ZNF367: variants seen among roughly 807,000 people sequenced by gnomAD.
ZNF367 encodes the protein C2H2 zinc finger protein ZFF29.
In ZNF367, 11 loss-of-function variants were observed where a neutral mutation model predicts 31.8. That is an observed-to-expected ratio of 0.35 (90% CI 0.22 to 0.57). The LOEUF (loss-of-function observed/expected upper bound fraction) is 0.57. ZNF367 is among the 20% of genes least tolerant of loss of function. The pLI is 0.85. For missense variants in ZNF367, 353 were observed against 484.1 expected, an observed-to-expected ratio of 0.73 and a Z score of 2.54; for synonymous variants, 199 against 202.4, an observed-to-expected ratio of 0.98 and a Z score of 0.14.
intron 3 of ZNF367, among the ~76,000 whole-genome samples, chr9:96,392,744 ATG>A (rs1188886361): frequency 1.3e-5 from 2 of 152,372 alleles, no homozygotes; most frequent in African/African-American, 4.8e-5. Flanking sequence ...GGTCGTGGCC[ATG>A]TGTGTCCAAC....
At position 96,392,377 on chromosome 9, in the gene ZNF367, A is replaced by G. The variant is rs746779999; in HGVS notation, c.830+21T>C. ...CCCGCGCTGTGCATCTTCACGGTGGACTAAAGGCAGCATTCCTGACCTCGC... is the reference window on the plus strand; with the variant it reads ...CCCGCGCTGTGCATCTTCACGGTGGGCTAAAGGCAGCATTCCTGACCTCGC... On this transcript the variant is annotated intron_variant, in intron 4 of 4. Coordinates refer to ENST00000375256, the MANE Select transcript of ZNF367 (RefSeq NM_153695.4). 7 of 1,614,130 alleles carry G rather than the reference A, an allele frequency of 4.3e-6. No homozygotes were observed. The South Asian group carries it at 4.4e-5, about 10-fold the overall frequency.
intron 1 of ZNF367, among the ~76,000 whole-genome samples, chr9:96,401,885 G>A (rs1831608826): frequency 6.6e-6 from 1 of 151,818 alleles, no homozygotes; most frequent in Non-Finnish European, 1.5e-5. Flanking sequence ...TATAGTCCCA[G>A]CTACTCAGGA....
rs1348739486 is a variant in ZNF367, at chr9:96,393,082, G to A, written c.692-546C>T. On this transcript the variant is annotated intron_variant, in intron 3 of 4. Transcript: ENST00000375256. ...CCTGGCGACAGAGCCAGACTCCATC[G>A]CAGGGGTCGGGTGGAGTTCAAAACC... is the stretch of plus-strand genomic sequence containing the variant. 1.1e-4 allele frequency among the ~76,000 whole-genome samples: 16 copies of A among 152,062 alleles called. No homozygotes were observed. The East Asian group carries it at 2.7e-3, about 26-fold the overall frequency.
chr9:96,415,859 GT>G (rs1831820556), intron 1 of ZNF367, among the ~76,000 whole-genome samples: 2 of 151,972 alleles, frequency 1.3e-5, no homozygotes, highest in Non-Finnish European at 2.9e-5. Flanking sequence ...CTGAAGTGCA[GT>G]GGTGCTATCA....
In ZNF367 at chr9:96,389,232, G is replaced by A. The variant is rs1269894981; in HGVS notation, c.831-773C>T. ...GGAGAATGACTTGAACCTGGGAGGC[G>A]GAGGTTGCAGCAAGCTGAAGTCGGG... is the stretch of plus-strand genomic sequence containing the variant. On this transcript the variant is annotated intron_variant, in intron 4 of 4. Coordinates refer to ENST00000375256, the MANE Select transcript of ZNF367 (RefSeq NM_153695.4). Among the ~76,000 whole-genome samples, 6 of 151,746 alleles carry A rather than the reference G, an allele frequency of 4.0e-5. No individual in the cohort carries two copies. In the East Asian group the frequency reaches 9.7e-4, roughly 24 times the overall value.
chr9:96,414,236 G>T (rs886117126), intron 1 of ZNF367, among the ~76,000 whole-genome samples: 4 of 151,986 alleles, frequency 2.6e-5, no homozygotes, highest in African/African-American at 9.7e-5. Flanking sequence ...TCTTACGGTG[G>T]GAAAGCTAAA....
rs745899583 is a variant in ZNF367 at position 96,392,442 on chromosome 9, T to C, written c.786A>G (p.Lys262=). Residue 262 remains lysine (K), a synonymous_variant, in exon 4 of 5, where the codon AAA becomes AAG. Coordinates refer to ENST00000375256, the MANE Select transcript of ZNF367 (RefSeq NM_153695.4). The part of the protein sequence containing the change: ...KREEPTDTLS[K]HQAADNKAAA... ...CGGCCTTGTTGTCGGCAGCCTGATG[T>C]TTGCTGAGTGTGTCCGTGGGCTCCT... 6.2e-7 allele frequency: 1 copy of C among 1,614,168 alleles called. No homozygotes were observed. The highest frequency in any genetic ancestry group is 8.5e-7 in the Non-Finnish European group (1 of 1,180,016).
chr9:96,412,086 A>G (rs1831757987), intron 1 of ZNF367, among the ~76,000 whole-genome samples: 1 of 152,206 alleles, frequency 6.6e-6, no homozygotes, highest in Non-Finnish European at 1.5e-5. Context: ...TCTTTTAACA[A>G]TACATATTAA....
intron 4 of ZNF367, among the ~76,000 whole-genome samples, chr9:96,390,600 G>A (rs1204745995): frequency 1.3e-5 from 2 of 152,114 alleles, no homozygotes; most frequent in East Asian, 1.9e-4. Flanking sequence ...GAAAGACAAG[G>A]AGGCGAGGTG....
chr9:96,392,126 T>G (rs1411398753), intron 4 of ZNF367, among the ~76,000 whole-genome samples: 1 of 151,388 alleles, frequency 6.6e-6, no homozygotes, highest in Non-Finnish European at 1.5e-5. Flanking sequence ...ACAATACATA[T>G]AAAACATTTT....
At chr9:96,410,338 G>A (rs1468166760) in intron 1 of ZNF367, among the ~76,000 whole-genome samples, 1 of 151,626 alleles carries the variant, frequency 6.6e-6, no homozygotes, top group Admixed American at 6.6e-5. Flanking sequence ...GAGGCGGGTG[G>A]ATCACGCGGT....
At chr9:96,404,240 C>T (rs1831642922) in intron 1 of ZNF367, among the ~76,000 whole-genome samples, 1 of 148,854 alleles carries the variant, frequency 6.7e-6, no homozygotes, top group Admixed American at 6.7e-5. Flanking sequence ...GCGGGCGGAT[C>T]ACGAGGTCAG....
chr9:96,401,017 G>C lies in ZNF367; in HGVS notation c.421-2703C>G, dbSNP rs560947220. Among the ~76,000 whole-genome samples, 35 of 152,074 alleles carry C rather than the reference G, an allele frequency of 2.3e-4. No individual in the cohort carries two copies. In the South Asian group the frequency reaches 4.6e-3, roughly 20 times the overall value. Reference sequence around the variant, plus strand: ...AAGGCAGGAGGATCACTTGAATCCAGGAGTTTGAGACCAGCCTGGGAAACG... The same window carrying C: ...AAGGCAGGAGGATCACTTGAATCCACGAGTTTGAGACCAGCCTGGGAAACG... On this transcript the variant is annotated intron_variant, in intron 1 of 4. Coordinates refer to ENST00000375256, the MANE Select transcript of ZNF367 (RefSeq NM_153695.4).
At chr9:96,391,126 T>C (rs1831467711) in intron 4 of ZNF367, among the ~76,000 whole-genome samples, 1 of 152,208 alleles carries the variant, frequency 6.6e-6, no homozygotes, top group African/African-American at 2.4e-5. Flanking sequence ...ATAATTCTTA[T>C]GTATTTTTAT....
In ZNF367 at chr9:96,417,702, C is replaced by T; in HGVS notation, c.331G>A (p.Ala111Thr). 8.5e-7 allele frequency: 1 copy of T among 1,181,326 alleles called. No individual in the cohort carries two copies. The allele number at this position is 1,181,326 out of a possible 1,614,324, so 73.2% of individuals were successfully genotyped here. ...GAGGCCGAGGCGGCGGGCGGGGGCGCGCCCCGGCCACGAAGCCCCGAGTGC... is the reference window on the plus strand; with the variant it reads ...GAGGCCGAGGCGGCGGGCGGGGGCGTGCCCCGGCCACGAAGCCCCGAGTGC... ...AEHSGLRGRG[A>T]PPPAASASAA... Residue 111 changes from alanine to threonine, a missense_variant, in exon 1 of 5, where the codon GCG becomes ACG. This residue lies in a region of ZNF367 where 70 missense variants were observed against 57.1 expected (regional missense o/e 1.23). Transcript: ENST00000375256. This position sits in a 1 kb window ranked among gnomAD's most constrained non-coding sequence, Gnocchi z 5.0.
intron 1 of ZNF367, among the ~76,000 whole-genome samples, chr9:96,399,246 A>G (rs1483886717): frequency 1.3e-5 from 2 of 152,140 alleles, no homozygotes; most frequent in African/African-American, 4.8e-5. Context: ...AGTTGTAAAC[A>G]GCAGGGCTAA....
rs528486684 is a variant in ZNF367, at chr9:96,407,229, T to C, written c.421-8915A>G. ...CTTGTGGGTCTTTGAGACCCGAAAA[T>C]TGAGAGCATTTTCGCACCCCAGGGG... On this transcript the variant is annotated intron_variant, in intron 1 of 4. Transcript: ENST00000375256. 6.8e-4 allele frequency: 612 copies of C among 895,250 alleles called. 7 individuals are homozygous for C. In the South Asian group the frequency reaches 8.5e-3, roughly 12 times the overall value. 55.5% of individuals were successfully genotyped at this position (895,250 alleles called of 1,614,324 possible).
At position 96,392,430 on chromosome 9, in the gene ZNF367, G is replaced by A. The variant is rs140653961; in HGVS notation, c.798C>T (p.Ala266=). The A allele has an allele frequency of 1.4e-5, 22 of 1,614,060 alleles. No homozygotes were observed. The highest frequency in any genetic ancestry group is 8.9e-5 in the East Asian group (4 of 44,896). Reference sequence around the variant, plus strand: ...GCCACTCGGCCGCGGCCTTGTTGTCGGCAGCCTGATGTTTGCTGAGTGTGT... The same window carrying A: ...GCCACTCGGCCGCGGCCTTGTTGTCAGCAGCCTGATGTTTGCTGAGTGTGT... ...PTDTLSKHQA[A]DNKAAAEWLA... The change falls in exon 4 of 5, where the codon GCC becomes GCT. Residue 266 remains alanine (A), a synonymous_variant. Transcript: ENST00000375256.
intron 2 of ZNF367, among the ~76,000 whole-genome samples, chr9:96,395,948 T>C (rs1395769005): frequency 7.2e-5 from 11 of 152,220 alleles, no homozygotes; most frequent in Non-Finnish European, 1.3e-4. Flanking sequence ...ACTCAAAGAA[T>C]AACAAGTCCT....
Sources: allele counts gnomAD v4.1 joint callset (sites outside exome capture counted in the v4.1 genomes callset), GRCh38; gene constraint gnomAD v4.1.1; regional missense constraint gnomAD v4.1.1; non-coding constraint Gnocchi (gnomAD v3.1); transcripts MANE v1.5; gene names NCBI Gene and HGNC (gene_info 2026-07-23, HGNC 2026-07-21).